SSUH2: variants seen among roughly 807,000 people sequenced by gnomAD.
SSUH2 encodes the protein protein SSUH2 homolog.
SSUH2 carries 47 observed loss-of-function variants against 55.3 expected under a neutral mutation model. That is an observed-to-expected ratio of 0.85 (90% confidence interval 0.67 to 1.08). SSUH2 has a LOEUF of 1.08. SSUH2 is among the 50% of genes least tolerant of loss of function. The pLI, the probability that SSUH2 is intolerant of heterozygous loss-of-function variation, is 0.00. For missense variants in SSUH2, 535 were observed against 490.7 expected, an observed-to-expected ratio of 1.09 and a Z score of -0.85; for synonymous variants, 212 against 191.5, an observed-to-expected ratio of 1.11 and a Z score of -0.89.
At position 8,625,562 on chromosome 3, in the gene SSUH2, A is replaced by G. The variant is rs1251247894; in HGVS notation, c.853T>C (p.Phe285Leu). 1 of 1,613,274 alleles carries G rather than the reference A, an allele frequency of 6.2e-7. No individual in the cohort carries two copies. Among genetic ancestry groups the G allele is most frequent in the East Asian group, 2.2e-5 (1 of 44,868 alleles). The change falls in exon 10 of 12, where the codon TTT (phenylalanine) becomes CTT (leucine). Residue 285 changes from phenylalanine (F) to leucine (L), a missense_variant. Physicochemically the swap from Phe to Leu is conservative, Grantham distance 22. Coordinates refer to ENST00000544814, the MANE Select transcript of SSUH2 (RefSeq NM_001256748.3). ...LLAKAKGENL[F>L]KDENSVVYPI... ...CTTACCACCGAGTTTTCATCCTTAAAGAGGTTTTCTCCTTTGGCTTTAGCA... is the reference window on the plus strand; with the variant it reads ...CTTACCACCGAGTTTTCATCCTTAAGGAGGTTTTCTCCTTTGGCTTTAGCA...
chr3:8,671,353 C>A (rs961363766), intron 4 of SSUH2, among the ~76,000 whole-genome samples: 1 of 151,984 alleles, frequency 6.6e-6, no homozygotes, highest in East Asian at 1.9e-4. Flanking sequence ...TAGAATATGA[C>A]GATAATATCA....
chr3:8,679,410 T>G (rs900205254), intron 2 of SSUH2, among the ~76,000 whole-genome samples: 4 of 121,238 alleles, frequency 3.3e-5, no homozygotes, highest in Non-Finnish European at 7.2e-5. Flanking sequence ...AGCCAGCCCC[T>G]CTTCCCCCCC....
chr3:8,677,627 C>A (rs11925075), intron 2 of SSUH2, among the ~76,000 whole-genome samples: 1,630 of 150,898 alleles, frequency 0.011, 91 homozygotes, highest in African/African-American at 0.038. Context: ...GACTTTTAAC[C>A]CAAACTGTGG....
Position 8,623,659 on chromosome 3 carries a change from G to A in SSUH2, c.874-3C>T, listed in dbSNP as rs1207266078. On this transcript the variant is annotated splice_region_variant and splice_polypyrimidine_tract_variant and intron_variant, in intron 10 of 11. Coordinates refer to ENST00000544814, the MANE Select transcript of SSUH2 (RefSeq NM_001256748.3). The stretch of plus-strand genomic sequence containing the variant: ...GGGAAGTCCACGATGGGGTACACCT[G>A]GGGGAAAGAGAGAGAGACACAGACC... 3 of 1,480,168 alleles carry A rather than the reference G, an allele frequency of 2.0e-6. No homozygotes were observed. Among genetic ancestry groups the A allele is most frequent in the Admixed American group, 4.1e-5 (2 of 49,034 alleles). 91.7% of individuals were successfully genotyped at this position (1,480,168 alleles called of 1,614,324 possible). A position where few individuals can be genotyped will look rare whatever the true frequency, so the allele number is the denominator to read the frequency against.
At chr3:8,634,083 A>AAT in intron 3 of SSUH2, 2 of 862,850 alleles carry the variant, frequency 2.3e-6, no homozygotes, top group Non-Finnish European at 3.5e-6. Flanking sequence ...ACACAACCTT[A>AAT]GAGAGGAATT....
At chr3:8,676,903 AG>A (rs1214257192) in intron 3 of SSUH2, among the ~76,000 whole-genome samples, 1 of 136,074 alleles carries the variant, frequency 7.3e-6, no homozygotes, top group Non-Finnish European at 1.6e-5. Flanking sequence ...ACAGAGAGCC[AG>A]CCCCTCTTTC....
chr3:8,642,140 C>T lies in SSUH2; in HGVS notation c.28+2591G>A, dbSNP rs574536948. 1.3e-4 allele frequency among the ~76,000 whole-genome samples: 20 copies of T among 152,294 alleles called. 2 individuals are homozygous for T. In the South Asian group the frequency reaches 3.9e-3, roughly 30 times the overall value. On this transcript the variant is annotated intron_variant, in intron 1 of 11. Transcript: ENST00000544814. Reference sequence around the variant, plus strand: ...TTATAGCCCATCTTACTTGAAGAGGCTTTTGCTCACCATTTCTGGAAAAGG... The same window carrying T: ...TTATAGCCCATCTTACTTGAAGAGGTTTTTGCTCACCATTTCTGGAAAAGG...
At position 8,627,702 on chromosome 3, in the gene SSUH2, G is replaced by T. The variant is rs151201843; in HGVS notation, c.670C>A (p.Arg224=). 1 of 1,583,492 alleles carries T rather than the reference G, an allele frequency of 6.3e-7. No individual in the cohort carries two copies. The highest frequency in any genetic ancestry group is 1.8e-5 in the Admixed American group (1 of 55,582). The part of the protein sequence containing the change: ...RCQLCAGSGR[R]RCSTCSGRGN... ...GTGCTGGGGAGATGCCCCTACCTTCGCCTGCCGGACCCCGCGCACAGCTGA... is the reference window on the plus strand; with the variant it reads ...GTGCTGGGGAGATGCCCCTACCTTCTCCTGCCGGACCCCGCGCACAGCTGA... Residue 224 remains arginine (R), a synonymous_variant, in exon 8 of 12, where the codon CGA becomes AGA. Transcript: ENST00000544814.
chr3:8,673,114 T>C (rs909468917), intron 3 of SSUH2, among the ~76,000 whole-genome samples: 3 of 152,028 alleles, frequency 2.0e-5, no homozygotes, highest in Non-Finnish European at 4.4e-5. Flanking sequence ...TTAATATTAA[T>C]ATTAATTATT....
At chr3:8,650,298 C>G (rs1702248199) in intron 7 of SSUH2, among the ~76,000 whole-genome samples, 1 of 152,178 alleles carries the variant, frequency 6.6e-6, no homozygotes, top group African/African-American at 2.4e-5. Flanking sequence ...TGTTCAACAC[C>G]TGTCATAATC....
chr3:8,664,120 A>G (rs1575343682), intron 5 of SSUH2, among the ~76,000 whole-genome samples: 2 of 152,216 alleles, frequency 1.3e-5, no homozygotes, highest in African/African-American at 4.8e-5. Context: ...AAACCCAGAA[A>G]GTGTGCACAG....
chr3:8,639,703 G>A lies in SSUH2; in HGVS notation c.29-3846C>T, dbSNP rs115702572. ...CATTCCCTTGACTACAGATGAGAAAGGAAATCAATGTCCTTTGTCCCTAAT... is the reference window on the plus strand; with the variant it reads ...CATTCCCTTGACTACAGATGAGAAAAGAAATCAATGTCCTTTGTCCCTAAT... On this transcript the variant is annotated intron_variant, in intron 1 of 11. Transcript: ENST00000544814. Among the ~76,000 whole-genome samples, 1,207 of 152,300 alleles carry A rather than the reference G, an allele frequency of 7.9e-3. 20 individuals are homozygous for A. The highest frequency in any genetic ancestry group is 0.028 in the African/African-American group (1,146 of 41,564).
upstream of SSUH2, among the ~76,000 whole-genome samples, chr3:8,647,464 T>C (rs1575252439): frequency 6.6e-6 from 1 of 152,166 alleles, no homozygotes; most frequent in Non-Finnish European, 1.5e-5. Context: ...AGAGTCAGGG[T>C]AGACTGAGTT....
upstream of SSUH2, among the ~76,000 whole-genome samples, chr3:8,648,705 T>C (rs1702024135): frequency 2.6e-5 from 4 of 152,210 alleles, no homozygotes; most frequent in South Asian, 2.1e-4. Context: ...CCTCATTCCC[T>C]TGATGTAGCT....
At chr3:8,647,484 A>G (rs1701841254), upstream of SSUH2, among the ~76,000 whole-genome samples, 1 of 152,246 alleles carries the variant, frequency 6.6e-6, no homozygotes, top group Non-Finnish European at 1.5e-5. Flanking sequence ...TCAAAGTCCT[A>G]AAGTGGACAT....
intron 1 of SSUH2, chr3:8,640,028 G>T: frequency 2.0e-6 from 2 of 985,090 alleles, no homozygotes; most frequent in Non-Finnish European, 2.4e-6. Context: ...GATTCAGGTG[G>T]TCAAACTCAC....
intron 9 of SSUH2, 35 bp downstream of exon 9, chr3:8,626,194 C>A: frequency 6.4e-7 from 1 of 1,567,738 alleles, no homozygotes; most frequent in South Asian, 1.1e-5. Context: ...CTCAGCCACC[C>A]CCGCATGCCA....
In SSUH2 at chr3:8,619,832, A is replaced by T. The variant is rs1178716038; in HGVS notation, c.*36T>A. Reference sequence around the variant, plus strand: ...GAGTGTCGGCCATCTTCCTTGGCAAACGTGAATGGCAGGCTCTGGGGACAG... The same window carrying T: ...GAGTGTCGGCCATCTTCCTTGGCAATCGTGAATGGCAGGCTCTGGGGACAG... On this transcript the variant is annotated 3_prime_UTR_variant, in exon 12 of 12. Coordinates refer to ENST00000544814, the MANE Select transcript of SSUH2 (RefSeq NM_001256748.3). 3.1e-6 allele frequency: 5 copies of T among 1,604,038 alleles called. No homozygotes were observed. In the African/African-American group the frequency reaches 6.7e-5, roughly 21 times the overall value.
chr3:8,635,854 A>G lies in SSUH2; in HGVS notation c.32T>C (p.Val11Ala). 6.5e-7 allele frequency: 1 copy of G among 1,535,948 alleles called. No individual in the cohort carries two copies. Among genetic ancestry groups the G allele is most frequent in the African/African-American group, 1.4e-5 (1 of 73,154 alleles). The change falls in exon 2 of 12, where the codon GTG becomes GCG. Residue 11 changes from valine (V) to alanine (A), a missense_variant. Transcript: ENST00000544814. Reference sequence around the variant, plus strand: ...CTCGGCCTCAAAACTGAGGTCCACCACACCTGCAGAAAGACAAGCATTCCT... The same window carrying G: ...CTCGGCCTCAAAACTGAGGTCCACCGCACCTGCAGAAAGACAAGCATTCCT... Reference protein sequence around the residue: MDRDLNEDDSVVDLSFEAESP... With the variant: MDRDLNEDDSAVDLSFEAESP...
Sources: allele counts gnomAD v4.1 joint callset (sites outside exome capture counted in the v4.1 genomes callset), GRCh38; gene constraint gnomAD v4.1.1; transcripts MANE v1.5; gene names NCBI Gene and HGNC (gene_info 2026-07-23, HGNC 2026-07-21).